Variants in SFXN5 observed in about 807,000 individuals in gnomAD.
The protein encoded by SFXN5 is sideroflexin 5, also known as sideroflexin-5.
Under a neutral mutation model 50.2 loss-of-function variants are expected in SFXN5, and 43 were observed. The observed-to-expected ratio is 0.86, with a 90% CI of 0.67 to 1.11. The LOEUF is 1.11. Among genes scored for constraint, SFXN5 ranks in the 50% least tolerant of loss-of-function variants. SFXN5 has a pLI of 0.00. For synonymous variants in SFXN5, 203 were observed against 185.8 expected, an observed-to-expected ratio of 1.09 and a Z score of -0.75; for missense variants, 463 against 454.1, an observed-to-expected ratio of 1.02 and a Z score of -0.18.
intron 13 of SFXN5, among the ~76,000 whole-genome samples, chr2:72,949,127 G>C (rs1038874472): frequency 2.0e-5 from 3 of 152,124 alleles, no homozygotes; most frequent in African/African-American, 7.2e-5. Flanking sequence ...GCTGGGTGAA[G>C]AAAAAAATAT....
In SFXN5 at chr2:73,040,608, G is replaced by A. The variant is rs570907320; in HGVS notation, c.249+246C>T. On this transcript the variant is annotated intron_variant, in intron 3 of 13. Transcript: ENST00000272433. The stretch of plus-strand genomic sequence containing the variant: ...ACAATCAGCTCTCGCAAGCCAGTGC[G>A]GGCCAGCTTCAGCAAGCCTTTGGCC... Among the ~76,000 whole-genome samples, 566 of 152,280 alleles carry A rather than the reference G, an allele frequency of 3.7e-3. 4 individuals carry two copies. The highest frequency in any genetic ancestry group is 0.013 in the African/African-American group (548 of 41,562).
chr2:73,022,684 AG>A, intron 4 of SFXN5, 108 bp from the exon 5 acceptor site: 1 of 725,152 alleles, frequency 1.4e-6, no homozygotes, highest in Non-Finnish European at 2.5e-6. Context: ...GGGAGGAAGA[AG>A]GGAAGAAGAC....
intron 2 of SFXN5, among the ~76,000 whole-genome samples, chr2:73,041,822 C>T (rs1679685212): frequency 6.6e-6 from 1 of 152,184 alleles, no homozygotes; most frequent in South Asian, 2.1e-4. Flanking sequence ...CCCACCTCAG[C>T]TTCCCAAGTA....
At chr2:73,044,607 G>A (rs1250609261) in intron 2 of SFXN5, 1 of 152,636 alleles carries the variant, frequency 6.6e-6, no homozygotes, top group Non-Finnish European at 1.5e-5. Flanking sequence ...TGAAAGCTGG[G>A]AGGTTGGTGG....
At chr2:72,949,488 A>G (rs1397931239) in intron 13 of SFXN5, among the ~76,000 whole-genome samples, 1 of 152,088 alleles carries the variant, frequency 6.6e-6, no homozygotes, top group African/African-American at 2.4e-5. Context: ...AATTATTTTA[A>G]AAATTTTTAC....
intron 2 of SFXN5, among the ~76,000 whole-genome samples, chr2:73,052,165 C>T (rs1403329580): frequency 2.0e-5 from 3 of 152,152 alleles, no homozygotes; most frequent in Non-Finnish European, 4.4e-5. Context: ...GCAACACTTG[C>T]AGCCTCAGAC....
intron 2 of SFXN5, among the ~76,000 whole-genome samples, chr2:73,050,170 T>C (rs1047289252): frequency 2.6e-5 from 4 of 152,022 alleles, no homozygotes; most frequent in Admixed American, 6.6e-5. Flanking sequence ...CTCTCACACA[T>C]TGAGGTTGCA....
chr2:72,959,896 C>G (rs1309212044), intron 13 of SFXN5, among the ~76,000 whole-genome samples: 1 of 152,106 alleles, frequency 6.6e-6, no homozygotes, highest in Non-Finnish European at 1.5e-5. Flanking sequence ...TCATTTTTTC[C>G]CCTCACCTGT....
At chr2:73,055,036 C>G (rs1681906375) in intron 2 of SFXN5, among the ~76,000 whole-genome samples, 1 of 152,226 alleles carries the variant, frequency 6.6e-6, no homozygotes, top group Non-Finnish European at 1.5e-5. Flanking sequence ...GGGCTGCTCC[C>G]CTGGACATGA....
intron 13 of SFXN5, among the ~76,000 whole-genome samples, chr2:72,955,176 A>G (rs1672944905): frequency 6.6e-6 from 1 of 152,354 alleles, no homozygotes; most frequent in East Asian, 1.9e-4. Flanking sequence ...CAACCTCACC[A>G]AATCAGCTAA....
chr2:72,999,104 C>A, intron 8 of SFXN5, 90 bp from the exon 9 acceptor site: 1 of 1,382,306 alleles, frequency 7.2e-7, no homozygotes, highest in Non-Finnish European at 1.0e-6. Context: ...CAAGAAGCAT[C>A]CTGCCCACCA....
At chr2:73,017,572 A>C (rs1031718771) in intron 6 of SFXN5, among the ~76,000 whole-genome samples, 1 of 152,230 alleles carries the variant, frequency 6.6e-6, no homozygotes, top group Admixed American at 6.5e-5. Flanking sequence ...GTATTTTGAG[A>C]GTGGTATTGA....
rs1033778495 is a variant in SFXN5, at chr2:73,070,261, G to A, written c.102+1343C>T. ...ACACTGGAAGGAAGATGCCAGTCTC[G>A]CCTCGGATACCTACATGCTGAGATG... On this transcript the variant is annotated intron_variant, in intron 1 of 13. Coordinates refer to ENST00000272433, the MANE Select transcript of SFXN5 (RefSeq NM_144579.3). Among the ~76,000 whole-genome samples, 7 of 152,260 alleles carry A rather than the reference G, an allele frequency of 4.6e-5. No homozygotes were observed. The East Asian group carries it at 1.3e-3, about 29-fold the overall frequency.
In SFXN5 at chr2:72,944,603, G is replaced by A. The variant is rs916165591; in HGVS notation, c.*419C>T. 9 of 165,472 alleles carry A rather than the reference G, an allele frequency of 5.4e-5. No individual in the cohort carries two copies. The highest frequency in any genetic ancestry group is 5.8e-5 in the Admixed American group (1 of 17,112). The allele number at this position is 165,472 out of a possible 1,614,324, so 10.3% of individuals were successfully genotyped here. On this transcript the variant is annotated 3_prime_UTR_variant, in exon 14 of 14. Coordinates refer to ENST00000272433, the MANE Select transcript of SFXN5 (RefSeq NM_144579.3). ...CCCAACTCCAGGCCTAATCTGGCTC[G>A]CCTCCACCTGTCCTCCTGCCACTTC...
At position 73,001,575 on chromosome 2, in the gene SFXN5, C is replaced by T. The variant is rs373778400; in HGVS notation, c.361G>A (p.Val121Ile). 1.5e-4 allele frequency: 246 copies of T among 1,614,038 alleles called. No individual in the cohort carries two copies. The highest frequency in any genetic ancestry group is 2.0e-4 in the Non-Finnish European group (236 of 1,180,020). The change falls in exon 7 of 14, where the codon GTC becomes ATC. Residue 121 changes from valine (V) to isoleucine (I), a missense_variant. Coordinates refer to ENST00000272433, the MANE Select transcript of SFXN5 (RefSeq NM_144579.3). ...GTCTGGTTGGGCAAGAGAAGACCGACTACCTATGAGCAAGAGAGAAGAAAT... is the reference window on the plus strand; with the variant it reads ...GTCTGGTTGGGCAAGAGAAGACCGATTACCTATGAGCAAGAGAGAAGAAAT... ...GYIPFGTPIVVGLLLPNQTLA... is the reference protein window; with the variant it reads ...GYIPFGTPIVIGLLLPNQTLA...
At chr2:73,003,135 G>A (rs1199770323) in intron 6 of SFXN5, among the ~76,000 whole-genome samples, 1 of 152,086 alleles carries the variant, frequency 6.6e-6, no homozygotes, top group Admixed American at 6.5e-5. Context: ...AGCCTAGCGG[G>A]GGTGGGGATG....
intron 9 of SFXN5, among the ~76,000 whole-genome samples, chr2:72,990,475 G>A (rs1672458096): frequency 6.6e-6 from 1 of 152,214 alleles, no homozygotes; most frequent in Non-Finnish European, 1.5e-5. Flanking sequence ...GAAAGTGTGG[G>A]AGGAAGCTGG....
At chr2:73,030,038 CT>C (rs1282048438) in intron 3 of SFXN5, among the ~76,000 whole-genome samples, 1 of 152,106 alleles carries the variant, frequency 6.6e-6, no homozygotes, top group Non-Finnish European at 1.5e-5. Context: ...CACCATTGCC[CT>C]CCATCCTAGG....
At chr2:72,972,920 G>C (rs1327109561) in intron 10 of SFXN5, among the ~76,000 whole-genome samples, 2 of 152,054 alleles carry the variant, frequency 1.3e-5, no homozygotes, top group African/African-American at 4.8e-5. Context: ...CCAGTGGGGG[G>C]GGCCACCAGG....
Sources: gnomAD v4.1 joint callset for allele counts (sites outside exome capture counted in the v4.1 genomes callset) on GRCh38, gnomAD v4.1.1 for gene constraint, MANE v1.5 for transcripts, NCBI Gene and HGNC (gene_info 2026-07-23, HGNC 2026-07-21) for gene names.